The following UTRN variants were observed in gnomAD, a reference collection of about 807,000 sequenced individuals.
UTRN encodes dystrophin-related protein 1.
UTRN carries 283 observed loss-of-function variants against 463.9 expected under a neutral mutation model. The ratio of observed to expected loss-of-function variants is 0.61; its 90% CI spans 0.55 to 0.67. UTRN has a LOEUF of 0.67. Ranked by LOEUF, UTRN falls within the 30% of genes least tolerant of loss-of-function variation. The pLI, the probability that UTRN is intolerant of heterozygous loss-of-function variation, is 0.00. For synonymous variants in UTRN, 1,442 were observed against 1,431.5 expected, an observed-to-expected ratio of 1.01 and a Z score of -0.17; for missense variants, 3,922 against 4,084.3, an observed-to-expected ratio of 0.96 and a Z score of 1.08.
At chr6:144,378,530 C>T (rs1780650215) in intron 2 of UTRN, among the ~76,000 whole-genome samples, 2 of 152,152 alleles carry the variant, frequency 1.3e-5, no homozygotes. Context: ...CTGCAATGTT[C>T]GTCTGAATTA....
chr6:144,356,713 T>G (rs556982506), intron 2 of UTRN, among the ~76,000 whole-genome samples: 1 of 152,246 alleles, frequency 6.6e-6, no homozygotes, highest in East Asian at 1.9e-4. Flanking sequence ...CTTGGGAGGC[T>G]GAGGCAGGAG....
Position 144,428,402 on chromosome 6 carries a change from A to AT in UTRN, c.579-371dup, listed in dbSNP as rs535103137. Among the ~76,000 whole-genome samples the AT allele has an allele frequency of 1.6e-4, 22 of 136,036 alleles. No individual in the cohort carries two copies. The East Asian group carries it at 3.0e-3, about 18-fold the overall frequency. 89.2% of individuals were successfully genotyped at this position (136,036 alleles called of 152,430 possible). Reference sequence around the variant, plus strand: ...TTTTACCGCATAGTGTGAGCTGCTCATTTTTCTTATTTTTTCTGTGGTTTT... The same window carrying AT: ...TTTTACCGCATAGTGTGAGCTGCTCATTTTTTCTTATTTTTTCTGTGGTTTT... On this transcript the variant is annotated intron_variant, in intron 7 of 74. Coordinates refer to ENST00000367545, the MANE Select transcript of UTRN (RefSeq NM_007124.3).
intron 62 of UTRN, among the ~76,000 whole-genome samples, chr6:144,791,711 A>G (rs541475330): frequency 5.9e-5 from 9 of 152,108 alleles, no homozygotes; most frequent in African/African-American, 2.2e-4. Context: ...TGCTTTTTGT[A>G]TCTTACTATA....
At chr6:144,432,278 G>C (rs1317512019) in intron 9 of UTRN, among the ~76,000 whole-genome samples, 1 of 152,140 alleles carries the variant, frequency 6.6e-6, no homozygotes, top group African/African-American at 2.4e-5. Context: ...ATGGCAGCCT[G>C]CACATTTTTC....
intron 23 of UTRN, among the ~76,000 whole-genome samples, chr6:144,467,692 C>G (rs1356752116): frequency 6.6e-6 from 1 of 152,080 alleles, no homozygotes; most frequent in African/African-American, 2.4e-5. Context: ...GGTAAAAATG[C>G]AATACTTTCT....
At chr6:144,791,131 C>T (rs563475720) in intron 62 of UTRN, among the ~76,000 whole-genome samples, 1 of 152,210 alleles carries the variant, frequency 6.6e-6, no homozygotes, top group South Asian at 2.1e-4. Flanking sequence ...ACTTTGAGGA[C>T]CTTCACCACT....
At chr6:144,849,090 G>C (rs1782268899) in intron 74 of UTRN, among the ~76,000 whole-genome samples, 1 of 152,082 alleles carries the variant, frequency 6.6e-6, no homozygotes, top group African/African-American at 2.4e-5. Context: ...AGAGCAAGTA[G>C]ATGCAGGCAG....
chr6:144,397,484 C>T (rs1485327779), intron 2 of UTRN, among the ~76,000 whole-genome samples: 1 of 152,100 alleles, frequency 6.6e-6, no homozygotes, highest in Non-Finnish European at 1.5e-5. Context: ...ACTCCATACC[C>T]TTCTTCTCTT....
intron 60 of UTRN, among the ~76,000 whole-genome samples, chr6:144,777,524 T>TA (rs1775438332): frequency 6.6e-6 from 1 of 152,220 alleles, no homozygotes; most frequent in African/African-American, 2.4e-5. Context: ...GCTTCCAAGA[T>TA]AGTGGTAACA....
At chr6:144,520,314 G>A (rs1361516214) in intron 39 of UTRN, among the ~76,000 whole-genome samples, 1 of 152,090 alleles carries the variant, frequency 6.6e-6, no homozygotes, top group African/African-American at 2.4e-5. Context: ...AATTATTTTT[G>A]ATTTTTTCTT....
rs1219343002 is a variant in UTRN at position 144,490,982 on chromosome 6, C to T, written c.4317C>T (p.Asn1439=). The T allele has an allele frequency of 3.1e-6, 5 of 1,612,244 alleles. No individual in the cohort carries two copies. Among genetic ancestry groups the T allele is most frequent in the Non-Finnish European group, 4.2e-6 (5 of 1,179,042 alleles). ...TKFQLFQKPA[N]FEQRMLDCKR... is the part of the protein sequence containing the mutation. ...TCCAGCTTTTCCAGAAGCCAGCTAA[C>T]TTCGAGCAGCGCATGCTGGACTGCA... The change falls in exon 32 of 75, where the codon AAC becomes AAT. Residue 1439 remains asparagine (N), a synonymous_variant. Coordinates refer to ENST00000367545, the MANE Select transcript of UTRN (RefSeq NM_007124.3).
At chr6:144,518,291 G>C (rs1270232039) in intron 39 of UTRN, among the ~76,000 whole-genome samples, 1 of 152,144 alleles carries the variant, frequency 6.6e-6, no homozygotes, top group Non-Finnish European at 1.5e-5. Context: ...CGAAGAAACT[G>C]TTTAGGAAAA....
At chr6:144,459,495 TA>T (rs1347182382) in intron 21 of UTRN, 141 bp downstream of exon 21, 1 of 869,384 alleles carries the variant, frequency 1.2e-6, no homozygotes, top group African/African-American at 1.7e-5. Flanking sequence ...TTCAAAGTCT[TA>T]AAGTCTTCTG....
intron 60 of UTRN, among the ~76,000 whole-genome samples, chr6:144,778,334 G>A (rs9497076): frequency 0.016 from 2,492 of 152,188 alleles, 66 homozygotes; most frequent in African/African-American, 0.057. Context: ...TTTGCAGACT[G>A]GATTTCATCA....
chr6:144,516,794 TC>T lies in UTRN; in HGVS notation c.5404-15del. The T allele has an allele frequency of 1.4e-6, 2 of 1,438,890 alleles. No homozygotes were observed. Among genetic ancestry groups the T allele is most frequent in the East Asian group, 2.6e-5 (1 of 38,788 alleles). The allele number at this position is 1,438,890 out of a possible 1,614,324, so 89.1% of individuals were successfully genotyped here. A position where few individuals can be genotyped will look rare whatever the true frequency, so the allele number is the denominator to read the frequency against. ...TTTTTCTTTTGAGTCATTTTTTTTT[TC>T]CTTTTAAAAATTTAGATGGATGAGG... On this transcript the variant is annotated splice_polypyrimidine_tract_variant and intron_variant, in intron 38 of 74. Coordinates refer to ENST00000367545, the MANE Select transcript of UTRN (RefSeq NM_007124.3).
rs762926735 is a variant in UTRN, at chr6:144,447,219, G to T, written c.1623G>T (p.Leu541Phe). The T allele has an allele frequency of 2.5e-6, 4 of 1,613,668 alleles. No individual in the cohort carries two copies. Among genetic ancestry groups the T allele is most frequent in the Non-Finnish European group, 3.4e-6 (4 of 1,179,778 alleles). Residue 541 changes from leucine (L) to phenylalanine (F), a missense_variant, in exon 15 of 75, where the codon TTG becomes TTT. This residue lies in a region of UTRN where 2,349 missense variants were observed against 2,303.8 expected (regional missense o/e 1.02). Coordinates refer to ENST00000367545, the MANE Select transcript of UTRN (RefSeq NM_007124.3). The stretch of plus-strand genomic sequence containing the variant: ...TTTGTTATTACTTGTAGTGCTTGTT[G>T]AAAGCTTGGTTAACCGAAAAAGAAG... ...WQELLEEQCL[L>F]KAWLTEKEEA...
chr6:144,848,758 A>G (rs1782234778), intron 74 of UTRN, among the ~76,000 whole-genome samples: 1 of 152,184 alleles, frequency 6.6e-6, no homozygotes, highest in African/African-American at 2.4e-5. Context: ...TGGAAGAATC[A>G]TCTCCATGGG....
chr6:144,563,682 T>G (rs1272535642), intron 50 of UTRN, among the ~76,000 whole-genome samples: 1 of 152,202 alleles, frequency 6.6e-6, no homozygotes, highest in Non-Finnish European at 1.5e-5. Context: ...TTTATTTTCT[T>G]TGCTAGGATT....
intron 51 of UTRN, among the ~76,000 whole-genome samples, chr6:144,617,229 A>T (rs1806219599): frequency 6.6e-6 from 1 of 152,170 alleles, no homozygotes; most frequent in Admixed American, 6.5e-5. Context: ...CCACCATACC[A>T]TCACTCTGGT....
Sources: allele counts gnomAD v4.1 joint callset (sites outside exome capture counted in the v4.1 genomes callset), GRCh38; gene constraint gnomAD v4.1.1; regional missense constraint gnomAD v4.1.1; transcripts MANE v1.5; gene names NCBI Gene and HGNC (gene_info 2026-07-23, HGNC 2026-07-21).